TRDN: variants seen among roughly 807,000 people sequenced by gnomAD.
The protein encoded by TRDN is triadin in skeletal muscle.
A neutral mutation model predicts 149.7 loss-of-function variants in TRDN; 161 were observed. The observed-to-expected ratio is 1.08, with a 90% confidence interval of 0.95 to 1.23. The LOEUF is 1.23. TRDN is among the 50% of genes most tolerant of loss of function. The probability of loss-of-function intolerance (pLI) is 0.00; values close to 1 mark genes in which losing one functional copy is unlikely to be tolerated. For synonymous variants in TRDN, 294 were observed against 250.5 expected, an observed-to-expected ratio of 1.17 and a Z score of -1.64; for missense variants, 896 against 823.5, an observed-to-expected ratio of 1.09 and a Z score of -1.08.
intron 13 of TRDN, 121 bp downstream of exon 13, chr6:123,393,503 T>A (rs933130895): frequency 1.3e-6 from 1 of 759,022 alleles, no homozygotes; most frequent in Non-Finnish European, 2.0e-6. Flanking sequence ...TTCAACAATA[T>A]TTTTTTTGCA....
chr6:123,273,289 AT>A, intron 28 of TRDN, 47 bp downstream of exon 28: 2 of 1,079,674 alleles, frequency 1.9e-6, no homozygotes, highest in Admixed American at 3.7e-5. Context: ...ACGTTTCAAT[AT>A]TTTTTCGTAA....
At chr6:123,424,352 G>C (rs1774029699) in intron 12 of TRDN, among the ~76,000 whole-genome samples, 1 of 152,024 alleles carries the variant, frequency 6.6e-6, no homozygotes, top group Admixed American at 6.6e-5. Context: ...TTCTCATCAA[G>C]GCTAAATCCT....
intron 35 of TRDN, among the ~76,000 whole-genome samples, chr6:123,257,293 T>A (rs1776598688): frequency 6.6e-6 from 1 of 152,098 alleles, no homozygotes. Flanking sequence ...AAATCTTTAA[T>A]CCATCTTGAG....
chr6:123,389,031 G>C (rs1034771643), intron 13 of TRDN, among the ~76,000 whole-genome samples: 3 of 152,058 alleles, frequency 2.0e-5, no homozygotes, highest in African/African-American at 7.2e-5. Context: ...ATTTCAGGAA[G>C]GGAAAATAAA....
intron 23 of TRDN, among the ~76,000 whole-genome samples, chr6:123,322,886 G>A (rs1035689125): frequency 1.4e-4 from 21 of 151,592 alleles, no homozygotes; most frequent in Non-Finnish European, 2.9e-4. Flanking sequence ...TGATCCACCT[G>A]CCTCAGCCTC....
intron 1 of TRDN, among the ~76,000 whole-genome samples, chr6:123,634,058 A>G (rs1786159334): frequency 6.6e-6 from 1 of 151,976 alleles, no homozygotes; most frequent in South Asian, 2.1e-4. Flanking sequence ...GTGCGTGATA[A>G]ATGGATGGAA....
intron 8 of TRDN, among the ~76,000 whole-genome samples, chr6:123,500,228 C>T (rs976860930): frequency 4.6e-5 from 7 of 151,974 alleles, no homozygotes; most frequent in African/African-American, 1.7e-4. Flanking sequence ...TCTAATGGCA[C>T]CAATATATCA....
At chr6:123,378,100 C>T (rs1781578141) in intron 16 of TRDN, among the ~76,000 whole-genome samples, 1 of 151,652 alleles carries the variant, frequency 6.6e-6, no homozygotes, top group South Asian at 2.1e-4. Context: ...CCTTATGGGG[C>T]AGCATCAAAA....
intron 22 of TRDN, among the ~76,000 whole-genome samples, chr6:123,336,679 A>G (rs1250223707): frequency 6.6e-6 from 1 of 151,866 alleles, no homozygotes; most frequent in East Asian, 1.9e-4. Context: ...ATCTGAATTA[A>G]TTACATCATA....
chr6:123,327,559 T>C (rs533058201), intron 23 of TRDN, among the ~76,000 whole-genome samples: 3 of 152,256 alleles, frequency 2.0e-5, no homozygotes, highest in African/African-American at 7.2e-5. Flanking sequence ...AATATTTAGA[T>C]ACATTTATTC....
chr6:123,443,877 A>G (rs1197438444), intron 10 of TRDN, among the ~76,000 whole-genome samples: 2 of 150,976 alleles, frequency 1.3e-5, no homozygotes, highest in East Asian at 3.9e-4. Flanking sequence ...CTATTGATCT[A>G]TATCTCTGTT....
At chr6:123,490,541 A>AT (rs1247601613) in intron 9 of TRDN, among the ~76,000 whole-genome samples, 1 of 152,198 alleles carries the variant, frequency 6.6e-6, no homozygotes, top group Non-Finnish European at 1.5e-5. Context: ...AAAATCATGG[A>AT]TAAGAGGACA....
intron 9 of TRDN, among the ~76,000 whole-genome samples, chr6:123,467,163 T>C (rs1776870656): frequency 6.6e-6 from 1 of 152,032 alleles, no homozygotes; most frequent in Admixed American, 6.6e-5. Flanking sequence ...AGACAGATCA[T>C]TACATGATAG....
intron 1 of TRDN, among the ~76,000 whole-genome samples, chr6:123,599,828 A>G (rs1784201456): frequency 6.6e-6 from 1 of 151,924 alleles, no homozygotes; most frequent in Admixed American, 6.6e-5. Flanking sequence ...TTTGCATTTT[A>G]TCTAGTGTGG....
intron 12 of TRDN, among the ~76,000 whole-genome samples, chr6:123,413,789 C>A (rs888565921): frequency 6.6e-6 from 1 of 152,056 alleles, no homozygotes; most frequent in Non-Finnish European, 1.5e-5. Context: ...AAACCATTGA[C>A]AAATCATGAA....
chr6:123,463,716 C>T (rs1369046842), intron 10 of TRDN, among the ~76,000 whole-genome samples: 2 of 150,910 alleles, frequency 1.3e-5, no homozygotes, highest in African/African-American at 4.9e-5. Context: ...GTCATGTGAA[C>T]TATTATAGTC....
At chr6:123,544,434 A>G (rs1781014843) in intron 4 of TRDN, among the ~76,000 whole-genome samples, 1 of 152,082 alleles carries the variant, frequency 6.6e-6, no homozygotes, top group South Asian at 2.1e-4. Flanking sequence ...AAGCAGATCA[A>G]TTTTAGGAAA....
At chr6:123,459,480 C>T (rs938213687) in intron 10 of TRDN, among the ~76,000 whole-genome samples, 67 of 152,112 alleles carry the variant, frequency 4.4e-4, no homozygotes, top group African/African-American at 1.5e-3. Flanking sequence ...ACATCTCTTC[C>T]CTAAAGCTAT....
intron 4 of TRDN, among the ~76,000 whole-genome samples, chr6:123,538,726 A>T (rs913798999): frequency 6.6e-6 from 1 of 152,186 alleles, no homozygotes; most frequent in Non-Finnish European, 1.5e-5. Flanking sequence ...CAGAAAAAAT[A>T]ATAGATTCAA....
Sources: gnomAD v4.1 joint callset for allele counts (sites outside exome capture counted in the v4.1 genomes callset) on GRCh38, gnomAD v4.1.1 for gene constraint, MANE v1.5 for transcripts, NCBI Gene and HGNC (gene_info 2026-07-23, HGNC 2026-07-21) for gene names.